The following H2BN1 variants were observed in gnomAD, a reference collection of about 807,000 sequenced individuals.
The protein encoded by H2BN1 is H2B.N variant histone 1.
chr17:32,899,173 TTTA>T, the H2BN1 span, among the ~76,000 whole-genome samples: 13 of 152,370 alleles, frequency 8.5e-5, no homozygotes, highest in Non-Finnish European at 1.6e-4. Context: ...ACTGATTTGT[TTTA>T]TTATACTTGG....
chr17:32,899,810 T>A, the H2BN1 span, among the ~76,000 whole-genome samples: 1 of 152,160 alleles, frequency 6.6e-6, no homozygotes, highest in East Asian at 1.9e-4. Context: ...AAACAAAGGA[T>A]CAGCAATAAA....
the H2BN1 span, among the ~76,000 whole-genome samples, chr17:32,904,641 C>T: frequency 5.3e-5 from 8 of 152,140 alleles, no homozygotes; most frequent in African/African-American, 1.4e-4. Context: ...GTGACTAGAA[C>T]CTTTGTTCTG....
At chr17:32,897,864 A>C in the H2BN1 span, among the ~76,000 whole-genome samples, 1 of 152,344 alleles carries the variant, frequency 6.6e-6, no homozygotes, top group East Asian at 1.9e-4. Context: ...ATGTCAAAGT[A>C]AAATGCTTAC....
the H2BN1 span, among the ~76,000 whole-genome samples, chr17:32,903,819 T>C: frequency 6.6e-6 from 1 of 152,200 alleles, no homozygotes; most frequent in African/African-American, 2.4e-5. Context: ...AAGGAGGTCA[T>C]TCTCCTTGTT....
chr17:32,900,785 G>T, the H2BN1 span, among the ~76,000 whole-genome samples: 1 of 151,928 alleles, frequency 6.6e-6, no homozygotes, highest in Non-Finnish European at 1.5e-5. Flanking sequence ...GTTTTACCAC[G>T]TTAGCCAGGA....
chr17:32,896,721 T>C, the H2BN1 span, among the ~76,000 whole-genome samples: 1 of 152,196 alleles, frequency 6.6e-6, no homozygotes, highest in African/African-American at 2.4e-5. Flanking sequence ...TTGGGGCTGG[T>C]TAACTCTTTG....
the H2BN1 span, among the ~76,000 whole-genome samples, chr17:32,906,034 A>T: frequency 2.6e-5 from 4 of 152,052 alleles, no homozygotes; most frequent in Non-Finnish European, 4.4e-5. Flanking sequence ...GTTTATTATT[A>T]TTTTTTAATT....
At chr17:32,899,760 A>G in the H2BN1 span, among the ~76,000 whole-genome samples, 1 of 152,270 alleles carries the variant, frequency 6.6e-6, no homozygotes, top group South Asian at 2.1e-4. Flanking sequence ...AAAGTTGTCA[A>G]TAGCTCAAAG....
the H2BN1 span, among the ~76,000 whole-genome samples, chr17:32,902,462 A>G: frequency 6.6e-6 from 1 of 152,324 alleles, no homozygotes; most frequent in East Asian, 1.9e-4. Context: ...TAGACCGTCT[A>G]AAGTCACAAA....
chr17:32,899,926 G>A, the H2BN1 span, among the ~76,000 whole-genome samples: 1 of 152,120 alleles, frequency 6.6e-6, no homozygotes, highest in Admixed American at 6.6e-5. Flanking sequence ...CTATTCTGAT[G>A]TCACAGTCTC....
At chr17:32,896,223 AT>A in the H2BN1 span, among the ~76,000 whole-genome samples, 1 of 152,102 alleles carries the variant, frequency 6.6e-6, no homozygotes, top group Non-Finnish European at 1.5e-5. Context: ...GCCTAAACTG[AT>A]TCTTAAACGC....
At chr17:32,896,283 A>T in the H2BN1 span, among the ~76,000 whole-genome samples, 3 of 152,122 alleles carry the variant, frequency 2.0e-5, no homozygotes, top group African/African-American at 7.2e-5. Context: ...TCTGTTTTGT[A>T]ACTTTGAAGA....
the H2BN1 span, chr17:32,906,501 C>G: frequency 6.6e-6 from 1 of 152,190 alleles, no homozygotes; most frequent in Non-Finnish European, 1.5e-5. Context: ...AGTTTCATTG[C>G]TACACACCTA....
the H2BN1 span, among the ~76,000 whole-genome samples, chr17:32,904,701 G>A: frequency 6.6e-6 from 1 of 152,144 alleles, no homozygotes; most frequent in Admixed American, 6.5e-5. Context: ...AGATTTTTTG[G>A]TACTGTAGAT....
At chr17:32,895,996 C>T in the H2BN1 span, among the ~76,000 whole-genome samples, 5 of 152,162 alleles carry the variant, frequency 3.3e-5, no homozygotes, top group East Asian at 1.9e-4. Context: ...CTCCTGGGCT[C>T]AAATGATTCT....
chr17:32,896,763 G>A, the H2BN1 span, among the ~76,000 whole-genome samples: 1 of 152,172 alleles, frequency 6.6e-6, no homozygotes, highest in Admixed American at 6.5e-5. Flanking sequence ...AGGATGTTAA[G>A]CAGCCTCTAC....
At chr17:32,896,533 G>A in the H2BN1 span, among the ~76,000 whole-genome samples, 1 of 152,290 alleles carries the variant, frequency 6.6e-6, no homozygotes, top group Admixed American at 6.5e-5. Context: ...AAGTTTGAGT[G>A]TTCACGTGTG....
chr17:32,906,207 G>A, the H2BN1 span: 1 of 152,304 alleles, frequency 6.6e-6, no homozygotes, highest in African/African-American at 2.4e-5. Context: ...CCTGATTTCA[G>A]CGGGCGTTCC....
At chr17:32,901,163 C>T in the H2BN1 span, among the ~76,000 whole-genome samples, 44 of 151,962 alleles carry the variant, frequency 2.9e-4, no homozygotes, top group Admixed American at 5.9e-4. Flanking sequence ...GCCATTATCA[C>T]GCCACTGCAC....
Sources: allele counts gnomAD v4.1 joint callset (sites outside exome capture counted in the v4.1 genomes callset), GRCh38; gene constraint gnomAD v4.1.1; transcripts MANE v1.5; gene names NCBI Gene and HGNC (gene_info 2026-07-23, HGNC 2026-07-21).